The following TMEM63A variants were observed in gnomAD, a reference collection of about 807,000 sequenced individuals.
TMEM63A encodes transmembrane protein 63A.
TMEM63A carries 76 observed loss-of-function variants against 100.6 expected under a neutral mutation model. The observed-to-expected ratio is 0.76, with a 90% CI of 0.63 to 0.91. The LOEUF (loss-of-function observed/expected upper bound fraction) is 0.91. Ranked by LOEUF, TMEM63A falls within the 40% of genes least tolerant of loss-of-function variation. TMEM63A has a pLI of 0.00. For missense variants in TMEM63A, 876 were observed against 1,008.8 expected, an observed-to-expected ratio of 0.87 and a Z score of 1.78; for synonymous variants, 401 against 401.1, an observed-to-expected ratio of 1.00 and a Z score of 0.00.
intron 23 of TMEM63A, 94 bp downstream of exon 23, chr1:225,848,398 G>A: frequency 7.6e-6 from 10 of 1,321,312 alleles, no homozygotes; most frequent in Non-Finnish European, 1.1e-5. Context: ...AGCAAGAGAT[G>A]ATCAAAGATT....
rs201858718 is a variant in TMEM63A at position 225,867,107 on chromosome 1, C to A, written c.566+5G>T. On this transcript the variant is annotated splice_donor_5th_base_variant and intron_variant, in intron 8 of 24. Transcript: ENST00000366835. The surrounding 1 kb of genome is among the most constrained non-coding windows in gnomAD (Gnocchi z 4.6). ...AGCACCTATCCCCACGGGCTCCATACTCACTCAGTCTGTAGGTTTGCTATT... is the reference window on the plus strand; with the variant it reads ...AGCACCTATCCCCACGGGCTCCATAATCACTCAGTCTGTAGGTTTGCTATT... The A allele has an allele frequency of 6.2e-7, 1 of 1,614,178 alleles. No individual in the cohort carries two copies.
chr1:225,844,075 T>TA (rs1246579885), downstream of TMEM63A, among the ~76,000 whole-genome samples: 2 of 152,014 alleles, frequency 1.3e-5, no homozygotes, highest in Non-Finnish European at 2.9e-5. Flanking sequence ...ATGGAGATAA[T>TA]AGTACCTATG....
At chr1:225,863,553 G>A (rs1670049513) in intron 10 of TMEM63A, among the ~76,000 whole-genome samples, 2 of 151,996 alleles carry the variant, frequency 1.3e-5, no homozygotes, top group East Asian at 3.9e-4. Context: ...CTTTTTTAAG[G>A]TCACAGACCT....
downstream of TMEM63A, chr1:225,844,493 C>T: frequency 1.9e-6 from 3 of 1,614,136 alleles, no homozygotes; most frequent in Non-Finnish European, 2.5e-6. Context: ...GTTCTGCGTT[C>T]CCAGGAAGTT....
intron 15 of TMEM63A, among the ~76,000 whole-genome samples, chr1:225,857,376 C>CGGGGTGGGGGGG (rs1213111924): frequency 3.1e-4 from 1 of 3,266 alleles, no homozygotes; most frequent in African/African-American, 6.2e-4. Flanking sequence ...GAGTCCTGGC[C>CGGGGTGGGGGGG]GGCGGGGCGG....
intron 4 of TMEM63A, 72 bp downstream of exon 4, chr1:225,874,216 A>T: frequency 7.0e-7 from 1 of 1,436,640 alleles, no homozygotes; most frequent in Non-Finnish European, 9.7e-7. Context: ...ACGCACATAT[A>T]CACACTCACG....
At chr1:225,842,507 C>T (rs1018527222), downstream of TMEM63A, 44 of 1,498,274 alleles carry the variant, frequency 2.9e-5, no homozygotes, top group Non-Finnish European at 4.0e-5. Context: ...CAGTCATGAC[C>T]CTGGTCCCAG....
In TMEM63A at chr1:225,865,987, G is replaced by T; in HGVS notation, c.676-20C>A. ...CCTCACCTGTCCGGGAAATACAGCAGGGAGAGAAGTCACCCACAAGCCAGT... is the reference window on the plus strand; with the variant it reads ...CCTCACCTGTCCGGGAAATACAGCATGGAGAGAAGTCACCCACAAGCCAGT... On this transcript the variant is annotated intron_variant, in intron 9 of 24. Coordinates refer to ENST00000366835, the MANE Select transcript of TMEM63A (RefSeq NM_014698.3). The surrounding 1 kb of genome is among the most constrained non-coding windows in gnomAD (Gnocchi z 4.6). 6.2e-7 allele frequency: 1 copy of T among 1,613,002 alleles called. No homozygotes were observed. Among genetic ancestry groups the T allele is most frequent in the South Asian group, 1.1e-5 (1 of 90,938 alleles).
chr1:225,849,890 C>G, intron 21 of TMEM63A, 22 bp downstream of exon 21: 1 of 1,611,618 alleles, frequency 6.2e-7, no homozygotes, highest in Non-Finnish European at 8.5e-7. Flanking sequence ...AGGGCTGGCC[C>G]CAGGTCAGAA....
At chr1:225,858,849 C>T (rs1669779259) in intron 15 of TMEM63A, among the ~76,000 whole-genome samples, 1 of 151,978 alleles carries the variant, frequency 6.6e-6, no homozygotes, top group South Asian at 2.1e-4. Flanking sequence ...GTCTACCAAC[C>T]TGAATATACC....
chr1:225,870,110 G>A (rs984311205), intron 6 of TMEM63A, among the ~76,000 whole-genome samples: 2 of 152,040 alleles, frequency 1.3e-5, no homozygotes, highest in African/African-American at 4.8e-5. Context: ...AGCACTTTGG[G>A]AGGCCGAGGC....
chr1:225,851,347 A>G (rs187548568), intron 20 of TMEM63A, among the ~76,000 whole-genome samples: 18 of 152,186 alleles, frequency 1.2e-4, no homozygotes, highest in Admixed American at 6.5e-4. Context: ...TGCCTTTTCT[A>G]TTATGCCAGG....
At chr1:225,861,761 A>G in intron 13 of TMEM63A, 1 of 191,680 alleles carries the variant, frequency 5.2e-6, no homozygotes, top group Non-Finnish European at 1.1e-5. Context: ...TCCCCACTGC[A>G]GTGAGCGCCC....
chr1:225,877,084 G>A (rs1281978369), intron 3 of TMEM63A, among the ~76,000 whole-genome samples: 5 of 152,286 alleles, frequency 3.3e-5, no homozygotes, highest in East Asian at 3.9e-4. Flanking sequence ...CTTCCCAAGG[G>A]CCTTAAAGAT....
At chr1:225,866,990 G>A in intron 8 of TMEM63A, 122 bp downstream of exon 8, 2 of 988,638 alleles carry the variant, frequency 2.0e-6, no homozygotes, top group South Asian at 2.6e-5. Context: ...CTCACTAGCT[G>A]CAAGGGGCCT....
intron 4 of TMEM63A, 120 bp downstream of exon 4, chr1:225,874,168 G>GAC (rs113985759): frequency 5.5e-4 from 519 of 949,630 alleles, no homozygotes; most frequent in African/African-American, 1.6e-3. Flanking sequence ...CCATTCCAGG[G>GAC]ACACACACAC....
chr1:225,866,548 A>G, intron 9 of TMEM63A, 26 bp downstream of exon 9: 2 of 1,605,976 alleles, frequency 1.2e-6, no homozygotes, highest in Non-Finnish European at 1.7e-6. Context: ...CTCCCAGCAC[A>G]TGTCCCTAAG....
chr1:225,863,717 G>A (rs1252997223), intron 10 of TMEM63A, among the ~76,000 whole-genome samples: 1 of 151,898 alleles, frequency 6.6e-6, no homozygotes, highest in Non-Finnish European at 1.5e-5. Context: ...AGGAGTTTGC[G>A]ACCAGCCTGG....
chr1:225,880,624 C>T (rs1323358642), intron 1 of TMEM63A, among the ~76,000 whole-genome samples: 4 of 152,292 alleles, frequency 2.6e-5, no homozygotes, highest in South Asian at 4.1e-4. Context: ...CTTATTCCTA[C>T]TCAATATGCC....
Sources: gnomAD v4.1 joint callset for allele counts (sites outside exome capture counted in the v4.1 genomes callset) on GRCh38, gnomAD v4.1.1 for gene constraint, Gnocchi (gnomAD v3.1) non-coding constraint, MANE v1.5 for transcripts, NCBI Gene and HGNC (gene_info 2026-07-23, HGNC 2026-07-21) for gene names.